The following PDE4D variants were observed in gnomAD, a reference collection of about 807,000 sequenced individuals.
The protein encoded by PDE4D is 3',5'-cyclic-AMP phosphodiesterase 4D.
PDE4D carries 24 observed loss-of-function variants against 87.4 expected under a neutral mutation model. The observed-to-expected ratio is 0.27, with a 90% CI of 0.20 to 0.39. PDE4D has a LOEUF of 0.39. Among genes scored for constraint, PDE4D ranks in the 10% least tolerant of loss-of-function variants. The pLI is 1.00. For synonymous variants in PDE4D, 384 were observed against 383.2 expected, an observed-to-expected ratio of 1.00 and a Z score of -0.02; for missense variants, 714 against 1,041.0, an observed-to-expected ratio of 0.69 and a Z score of 4.32.
chr5:59,569,967 T>C (rs1041391018), intron 1 of PDE4D, among the ~76,000 whole-genome samples: 4 of 152,330 alleles, frequency 2.6e-5, no homozygotes, highest in Non-Finnish European at 4.4e-5. Context: ...ATTTCCAAAA[T>C]AGGTTCCATA....
chr5:60,460,163 G>T (rs1407881544), intron 1 of PDE4D: 5 of 1,591,236 alleles, frequency 3.1e-6, no homozygotes, highest in Non-Finnish European at 4.3e-6. Flanking sequence ...TTCTGCATTT[G>T]ACTTGAACAT....
At chr5:59,359,199 C>G (rs983309780) in intron 1 of PDE4D, among the ~76,000 whole-genome samples, 1 of 152,118 alleles carries the variant, frequency 6.6e-6, no homozygotes, top group Non-Finnish European at 1.5e-5. Flanking sequence ...TCATTACTGT[C>G]AAAAACATTT....
chr5:59,615,803 A>C (rs574867324), intron 1 of PDE4D, among the ~76,000 whole-genome samples: 2 of 152,214 alleles, frequency 1.3e-5, no homozygotes, highest in Non-Finnish European at 2.9e-5. Flanking sequence ...CTAGCTAGTT[A>C]GCTAAATAGA....
chr5:59,216,668 T>A (rs1281860465), intron 1 of PDE4D: 1 of 154,358 alleles, frequency 6.5e-6, no homozygotes, highest in Non-Finnish European at 1.4e-5. Flanking sequence ...CAACTTGCCA[T>A]CCTCAGCTAT....
chr5:60,145,105 A>G (rs1780878968), intron 2 of PDE4D, among the ~76,000 whole-genome samples: 1 of 152,046 alleles, frequency 6.6e-6, no homozygotes, highest in Non-Finnish European at 1.5e-5. Flanking sequence ...TTTTTTTCCA[A>G]CTCTTTAATA....
chr5:59,222,747 TG>T (rs1277717342), intron 1 of PDE4D, among the ~76,000 whole-genome samples: 4 of 152,346 alleles, frequency 2.6e-5, no homozygotes, highest in Non-Finnish European at 4.4e-5. Context: ...TTTGAAATCT[TG>T]GTTCAGCCAC....
At chr5:59,569,367 C>A (rs1285844362) in intron 1 of PDE4D, among the ~76,000 whole-genome samples, 1 of 152,118 alleles carries the variant, frequency 6.6e-6, no homozygotes, top group East Asian at 1.9e-4. Context: ...ATGGTTGCAT[C>A]TTTCAAGAAG....
At chr5:59,111,188 T>G (rs549005034) in intron 5 of PDE4D, among the ~76,000 whole-genome samples, 119 of 152,332 alleles carry the variant, frequency 7.8e-4, no homozygotes, top group African/African-American at 2.8e-3. Flanking sequence ...CCTTGGGATA[T>G]TCAATGCTTC....
chr5:59,033,714 T>C (rs990992568), intron 6 of PDE4D, among the ~76,000 whole-genome samples: 4 of 152,190 alleles, frequency 2.6e-5, no homozygotes, highest in African/African-American at 9.6e-5. Flanking sequence ...GAAAAAATAC[T>C]TCTTTTATCA....
chr5:59,246,021 TG>T (rs2153526329), intron 1 of PDE4D, among the ~76,000 whole-genome samples: 1 of 149,622 alleles, frequency 6.7e-6, no homozygotes, highest in South Asian at 2.1e-4. Flanking sequence ...TATATATAAA[TG>T]TATATATTAT....
At chr5:60,015,934 C>T (rs1765465069) in intron 2 of PDE4D, among the ~76,000 whole-genome samples, 1 of 150,620 alleles carries the variant, frequency 6.6e-6, no homozygotes, top group Non-Finnish European at 1.5e-5. Context: ...GTCACCCAGG[C>T]TGGAGTGCAG....
chr5:59,817,602 G>T (rs768407105), intron 1 of PDE4D, among the ~76,000 whole-genome samples: 2 of 152,168 alleles, frequency 1.3e-5, no homozygotes, highest in Non-Finnish European at 1.5e-5. Flanking sequence ...TATATCTGAA[G>T]ATAGGGCTTT....
chr5:59,006,595 A>G (rs1459438901), intron 6 of PDE4D, among the ~76,000 whole-genome samples: 2 of 152,060 alleles, frequency 1.3e-5, no homozygotes, highest in Non-Finnish European at 2.9e-5. Context: ...AAAGAAAAAA[A>G]AAATTCCCAT....
At chr5:59,969,111 C>T (rs1760411789) in intron 3 of PDE4D, among the ~76,000 whole-genome samples, 1 of 151,982 alleles carries the variant, frequency 6.6e-6, no homozygotes, top group Non-Finnish European at 1.5e-5. Flanking sequence ...TTAAGCCAAC[C>T]AATTTCTTCT....
At chr5:59,305,908 G>C (rs1771244182) in intron 1 of PDE4D, among the ~76,000 whole-genome samples, 1 of 152,096 alleles carries the variant, frequency 6.6e-6, no homozygotes, top group Non-Finnish European at 1.5e-5. Context: ...AAGTCCATTT[G>C]TTCCAAGGTA....
At chr5:59,558,414 T>A (rs1236052073) in intron 1 of PDE4D, 1 of 152,004 alleles carries the variant, frequency 6.6e-6, no homozygotes, top group Non-Finnish European at 1.5e-5. Context: ...GCCACGCAGA[T>A]AACTGGGTAA....
At chr5:59,030,877 G>A (rs1757261304) in intron 6 of PDE4D, among the ~76,000 whole-genome samples, 2 of 152,086 alleles carry the variant, frequency 1.3e-5, no homozygotes, top group African/African-American at 4.8e-5. Flanking sequence ...TGTGCAGGAT[G>A]TGCAGGATGT....
At chr5:60,474,105 C>CATATATATATATGTGTATATATATATAT (rs1491252291) in intron 1 of PDE4D, among the ~76,000 whole-genome samples, 1 of 30,982 alleles carries the variant, frequency 3.2e-5, no homozygotes, top group Non-Finnish European at 7.6e-5. Context: ...TTTGAGCTGC[C>CATATATATATATGTGTATATATATATAT]ATATATATAT....
intron 1 of PDE4D, among the ~76,000 whole-genome samples, chr5:59,691,905 G>T (rs553681759): frequency 6.6e-6 from 1 of 152,026 alleles, no homozygotes; most frequent in Non-Finnish European, 1.5e-5. Context: ...GGGTGAGATA[G>T]GAAAGAGGCA....
Sources: allele counts gnomAD v4.1 joint callset (sites outside exome capture counted in the v4.1 genomes callset), GRCh38; gene constraint gnomAD v4.1.1; transcripts MANE v1.5; gene names NCBI Gene and HGNC (gene_info 2026-07-23, HGNC 2026-07-21).